The following MB21D2 variants were observed in gnomAD, a reference collection of about 807,000 sequenced individuals.
MB21D2 encodes the protein Mab-21 domain containing 2, also known as nucleotidyltransferase MB21D2.
A neutral mutation model predicts 33.3 loss-of-function variants in MB21D2; 9 were observed. The ratio of observed to expected loss-of-function variants is 0.27; its 90% CI spans 0.16 to 0.47. The LOEUF (loss-of-function observed/expected upper bound fraction) is 0.47, where lower values mean the gene tolerates loss of function less well. Ranked by LOEUF, MB21D2 falls within the 20% of genes least tolerant of loss-of-function variation. MB21D2 has a pLI of 0.99. For synonymous variants in MB21D2, 241 were observed against 236.3 expected (o/e 1.02, Z -0.18); for missense variants, 540 against 624.6 (o/e 0.86, Z 1.44).
At chr3:192,855,543 C>T (rs1712898086) in intron 1 of MB21D2, among the ~76,000 whole-genome samples, 1 of 151,934 alleles carries the variant, frequency 6.6e-6, no homozygotes, top group South Asian at 2.1e-4. Flanking sequence ...TAGAACTGAA[C>T]CCACAATATC....
chr3:192,874,811 C>G (rs528083636), intron 1 of MB21D2, among the ~76,000 whole-genome samples: 1 of 152,186 alleles, frequency 6.6e-6, no homozygotes, highest in African/African-American at 2.4e-5. Flanking sequence ...ATTCTCCTAA[C>G]TCCTCTGCAA....
intron 1 of MB21D2, among the ~76,000 whole-genome samples, chr3:192,830,385 C>G (rs2108620453): frequency 6.6e-6 from 1 of 152,116 alleles, no homozygotes; most frequent in East Asian, 1.9e-4. Context: ...ATTCCGCACC[C>G]CCACCCCCTG....
chr3:192,896,218 G>A (rs1349578854), intron 1 of MB21D2, among the ~76,000 whole-genome samples: 1 of 152,116 alleles, frequency 6.6e-6, no homozygotes, highest in African/African-American at 2.4e-5. Context: ...CAATGACAAG[G>A]AAACTAACGT....
At chr3:192,900,523 G>GT (rs1478045008) in intron 1 of MB21D2, among the ~76,000 whole-genome samples, 3 of 151,972 alleles carry the variant, frequency 2.0e-5, no homozygotes, top group Admixed American at 6.6e-5. Context: ...GGTTTGGCTG[G>GT]TTTTTTCGTT....
chr3:192,816,266 C>T (rs1442187197), intron 1 of MB21D2, among the ~76,000 whole-genome samples: 1 of 151,494 alleles, frequency 6.6e-6, no homozygotes, highest in African/African-American at 2.4e-5. Flanking sequence ...TATTAAAGGA[C>T]TCAGGTGTGC....
At chr3:192,814,839 T>C (rs182230173) in intron 1 of MB21D2, among the ~76,000 whole-genome samples, 24 of 145,736 alleles carry the variant, frequency 1.6e-4, no homozygotes, top group African/African-American at 5.6e-4. Context: ...CATTCCAGCC[T>C]GGGCGACAGA....
At chr3:192,838,031 T>C (rs1037037865) in intron 1 of MB21D2, among the ~76,000 whole-genome samples, 2 of 152,256 alleles carry the variant, frequency 1.3e-5, no homozygotes, top group Non-Finnish European at 1.5e-5. Context: ...CAGAGCTGCA[T>C]ATCTCCTGCA....
chr3:192,816,767 T>C (rs1296492666), intron 1 of MB21D2, among the ~76,000 whole-genome samples: 1 of 152,158 alleles, frequency 6.6e-6, no homozygotes, highest in African/African-American at 2.4e-5. Context: ...AGAAAGATTA[T>C]TAATTTAGGA....
intron 1 of MB21D2, among the ~76,000 whole-genome samples, chr3:192,907,945 C>A (rs1020251679): frequency 6.6e-6 from 1 of 152,198 alleles, no homozygotes; most frequent in Non-Finnish European, 1.5e-5. Context: ...AGGAAGGGAA[C>A]ATCCCTATGA....
chr3:192,904,370 T>C (rs554624077), intron 1 of MB21D2, among the ~76,000 whole-genome samples: 1 of 152,312 alleles, frequency 6.6e-6, no homozygotes, highest in South Asian at 2.1e-4. Flanking sequence ...AGGCGATAAG[T>C]TGATAGGCAG....
In MB21D2 at chr3:192,798,737, G is replaced by T. The variant is rs770121215; in HGVS notation, c.1125C>A (p.Pro375=). ...LQHCLVNKMC[P]NYFIPQCNML... ...TGTTGCACTGAGGGATGAAATAATTGGGGCACATCTTGTTGACCAGACAGT... is the reference window on the plus strand; with the variant it reads ...TGTTGCACTGAGGGATGAAATAATTTGGGCACATCTTGTTGACCAGACAGT... The change falls in exon 2 of 2, where the codon CCC becomes CCA. Residue 375 remains proline (P), a synonymous_variant. Coordinates refer to ENST00000392452, the MANE Select transcript of MB21D2 (RefSeq NM_178496.4). The surrounding 1 kb of genome is among the most constrained non-coding windows in gnomAD (Gnocchi z 4.8). The T allele has an allele frequency of 1.9e-6, 3 of 1,613,334 alleles. No individual in the cohort carries two copies. In the Admixed American group the frequency reaches 5.0e-5, roughly 27 times the overall value.
chr3:192,897,799 C>A (rs994785390), intron 1 of MB21D2, among the ~76,000 whole-genome samples: 6 of 151,910 alleles, frequency 3.9e-5, no homozygotes, highest in Admixed American at 3.3e-4. Context: ...CAAGACCAGC[C>A]TGGCTAACAT....
intron 1 of MB21D2, among the ~76,000 whole-genome samples, chr3:192,843,485 C>T (rs570718714): frequency 1.3e-5 from 2 of 152,260 alleles, no homozygotes; most frequent in Admixed American, 6.5e-5. Flanking sequence ...CACAGAGATG[C>T]TCAGCAAGCG....
At chr3:192,825,112 G>A (rs1056682146) in intron 1 of MB21D2, among the ~76,000 whole-genome samples, 6 of 152,150 alleles carry the variant, frequency 3.9e-5, no homozygotes, top group Admixed American at 2.0e-4. Flanking sequence ...GCCAGCTCTC[G>A]AGAATCGAGG....
chr3:192,869,376 AAGG>A (rs973930207), intron 1 of MB21D2, among the ~76,000 whole-genome samples: 10 of 151,884 alleles, frequency 6.6e-5, no homozygotes, highest in African/African-American at 2.4e-4. Context: ...GGAAGAAGGG[AAGG>A]AGAAGTGGAA....
chr3:192,866,956 G>A (rs77686346), intron 1 of MB21D2, among the ~76,000 whole-genome samples: 1 of 152,164 alleles, frequency 6.6e-6, no homozygotes, highest in Non-Finnish European at 1.5e-5. Context: ...TCCCAGAAGG[G>A]AGAAGGAATG....
intron 1 of MB21D2, among the ~76,000 whole-genome samples, chr3:192,835,673 T>C (rs2108622950): frequency 6.6e-6 from 1 of 152,190 alleles, no homozygotes; most frequent in Admixed American, 6.5e-5. Context: ...GTCTTAACTC[T>C]GGAATTAAAC....
At chr3:192,900,719 G>C (rs1299492368) in intron 1 of MB21D2, among the ~76,000 whole-genome samples, 1 of 152,112 alleles carries the variant, frequency 6.6e-6, no homozygotes, top group Non-Finnish European at 1.5e-5. Flanking sequence ...GAGGCGAGCA[G>C]AGCACGAGGT....
intron 1 of MB21D2, among the ~76,000 whole-genome samples, chr3:192,874,306 G>C (rs1235347100): frequency 2.0e-5 from 3 of 152,130 alleles, no homozygotes; most frequent in African/African-American, 7.2e-5. Flanking sequence ...ATGAATGGCT[G>C]AACAAATGAA....
Sources: gnomAD v4.1 joint callset for allele counts (sites outside exome capture counted in the v4.1 genomes callset) on GRCh38, gnomAD v4.1.1 for gene constraint, Gnocchi (gnomAD v3.1) non-coding constraint, MANE v1.5 for transcripts, NCBI Gene and HGNC (gene_info 2026-07-23, HGNC 2026-07-21) for gene names.